The following RYR2 variants were observed in gnomAD, a reference collection of about 807,000 sequenced individuals.
The protein encoded by RYR2 is ryanodine receptor 2.
RYR2 carries 227 observed loss-of-function variants against 601.1 expected under a neutral mutation model. The observed-to-expected ratio is 0.38, with a 90% confidence interval of 0.34 to 0.42. The LOEUF is 0.42. RYR2 is among the 10% of genes least tolerant of loss of function. The pLI is 1.00. For synonymous variants in RYR2, 2,223 were observed against 2,175.1 expected (o/e 1.02, Z -0.61); for missense variants, 4,646 against 6,156.5 (o/e 0.75, Z 8.21).
chr1:237,697,354 T>TAA (rs994494483), intron 63 of RYR2, among the ~76,000 whole-genome samples: 5 of 142,714 alleles, frequency 3.5e-5, no homozygotes, highest in African/African-American at 1.3e-4. Flanking sequence ...TATATATATA[T>TAA]AATATATATT....
At chr1:237,666,686 T>A in intron 57 of RYR2, 97 bp downstream of exon 57, 1 of 941,648 alleles carries the variant, frequency 1.1e-6, no homozygotes, top group Non-Finnish European at 1.6e-6. Context: ...ATGGTTTATT[T>A]GAATGTGGCG....
chr1:237,226,054 CAA>C (rs59114136), intron 1 of RYR2, among the ~76,000 whole-genome samples: 4 of 116,524 alleles, frequency 3.4e-5, no homozygotes. Context: ...GACTCCATCT[CAA>C]AAAAAAAAAA....
intron 69 of RYR2, 85 bp from the exon 70 acceptor site, chr1:237,709,395 A>T (rs1459370008): frequency 1.1e-6 from 1 of 898,418 alleles, no homozygotes; most frequent in African/African-American, 1.7e-5. Flanking sequence ...TGGTCAGTAC[A>T]TTTAACTTTG....
intron 36 of RYR2, among the ~76,000 whole-genome samples, chr1:237,613,391 T>A (rs1222780242): frequency 6.6e-6 from 1 of 152,194 alleles, no homozygotes; most frequent in Admixed American, 6.5e-5. Flanking sequence ...AGGCACTCAG[T>A]GATATTTGAT....
chr1:237,133,375 C>A (rs1289973698), intron 1 of RYR2, among the ~76,000 whole-genome samples: 3 of 152,124 alleles, frequency 2.0e-5, no homozygotes, highest in African/African-American at 7.2e-5. Flanking sequence ...CCTAGGCCCC[C>A]TTTCTTACTT....
At chr1:237,781,503 G>C in intron 88 of RYR2, 62 bp from the exon 89 acceptor site, 1 of 812,470 alleles carries the variant, frequency 1.2e-6, no homozygotes. Flanking sequence ...GTGAGAATAA[G>C]TATGATGTTC....
intron 96 of RYR2, 77 bp from the exon 97 acceptor site, chr1:237,797,960 T>C: frequency 8.0e-7 from 1 of 1,257,248 alleles, no homozygotes; most frequent in Non-Finnish European, 1.1e-6. Flanking sequence ...TAAAAATAAT[T>C]AGATGTTTTA....
In RYR2 at chr1:237,551,691, T is replaced by A. The variant is rs1051649553; in HGVS notation, c.3214+1000T>A. 3.3e-5 allele frequency among the ~76,000 whole-genome samples: 5 copies of A among 152,340 alleles called. No individual in the cohort carries two copies. The East Asian group carries it at 9.6e-4, about 29-fold the overall frequency. On this transcript the variant is annotated intron_variant, in intron 27 of 104. Coordinates refer to ENST00000366574, the MANE Select transcript of RYR2 (RefSeq NM_001035.3). ...GGGCCTATAATTTTTGATGGAAAGT[T>A]TTAAAAATGTATTCCAAATGTATTC...
intron 1 of RYR2, among the ~76,000 whole-genome samples, chr1:237,086,573 A>T (rs537871362): frequency 6.6e-6 from 1 of 152,056 alleles, no homozygotes; most frequent in Non-Finnish European, 1.5e-5. Context: ...TGGTGTTATG[A>T]TGGGGAGGAA....
At chr1:237,683,629 G>A (rs1457868083) in intron 62 of RYR2, among the ~76,000 whole-genome samples, 1 of 152,174 alleles carries the variant, frequency 6.6e-6, no homozygotes, top group African/African-American at 2.4e-5. Context: ...AGGTTATATA[G>A]ATGGTAATGG....
rs1304051187 is a variant in RYR2, at chr1:237,614,374, C to T, written c.5246C>T (p.Pro1749Leu). 6.2e-7 allele frequency: 1 copy of T among 1,614,016 alleles called. No homozygotes were observed. Among genetic ancestry groups the T allele is most frequent in the South Asian group, 1.1e-5 (1 of 91,084 alleles). ...GATGAGAACAAAAAACACGGCCTTCCAGGGATCGGCCTCAGCACCTCCCTC... is the reference window on the plus strand; with the variant it reads ...GATGAGAACAAAAAACACGGCCTTCTAGGGATCGGCCTCAGCACCTCCCTC... ...FPDENKKHGL[P>L]GIGLSTSLRP... The change falls in exon 37 of 105, where the codon CCA becomes CTA. Residue 1749 changes from proline (P) to leucine (L), a missense_variant. Transcript: ENST00000366574. This position sits in a 1 kb window ranked among gnomAD's most constrained non-coding sequence, Gnocchi z 4.3.
chr1:237,624,564 A>T (rs1679440631), intron 39 of RYR2, among the ~76,000 whole-genome samples: 1 of 152,222 alleles, frequency 6.6e-6, no homozygotes, highest in Non-Finnish European at 1.5e-5. Context: ...AAACAGTTGT[A>T]TTTAAAGCAG....
chr1:237,325,712 A>C (rs1264915079), intron 2 of RYR2, among the ~76,000 whole-genome samples: 6 of 152,008 alleles, frequency 3.9e-5, no homozygotes, highest in Non-Finnish European at 8.8e-5. Flanking sequence ...AACAAAACAA[A>C]AAATATATTA....
intron 1 of RYR2, among the ~76,000 whole-genome samples, chr1:237,055,919 ACACCTGTGAGGACTGGAGCACTG>A (rs1221128443): frequency 1.4e-4 from 21 of 152,236 alleles, no homozygotes; most frequent in African/African-American, 5.1e-4. Flanking sequence ...CACAGGGAGC[ACACCTGTGAGGACTGGAGCACTG>A]CACCTGTGAG....
chr1:237,434,878 C>A (rs1431735152), intron 12 of RYR2, among the ~76,000 whole-genome samples: 1 of 152,068 alleles, frequency 6.6e-6, no homozygotes, highest in African/African-American at 2.4e-5. Flanking sequence ...CAGGTTCAAG[C>A]AATTCTCCCA....
Position 237,833,213 on chromosome 1 carries a change from G to GT in RYR2, c.*578dup, listed in dbSNP as rs113047070. 1,662 of 139,686 alleles carry GT rather than the reference G, an allele frequency of 0.012. 30 individuals carry two copies. Among genetic ancestry groups the GT allele is most frequent in the African/African-American group, 0.039 (1,482 of 38,160 alleles). 8.7% of individuals were successfully genotyped at this position (139,686 alleles called of 1,614,324 possible). On this transcript the variant is annotated 3_prime_UTR_variant, in exon 105 of 105. Coordinates refer to ENST00000366574, the MANE Select transcript of RYR2 (RefSeq NM_001035.3). ...TCTTTTCTTAGATTGATTTTGTGAG[G>GT]TTTTTTTTTTTTCCTTTAGTCTTTT...
intron 16 of RYR2, among the ~76,000 whole-genome samples, chr1:237,467,409 A>T (rs956381404): frequency 4.6e-5 from 7 of 152,254 alleles, no homozygotes; most frequent in Non-Finnish European, 8.8e-5. Flanking sequence ...TTCTTACAGA[A>T]TAAAATTAGT....
intron 10 of RYR2, among the ~76,000 whole-genome samples, chr1:237,400,454 G>A (rs1703251339): frequency 6.6e-6 from 1 of 152,096 alleles, no homozygotes; most frequent in Non-Finnish European, 1.5e-5. Flanking sequence ...CCTCAGACTG[G>A]AAGGGGGCAT....
chr1:237,626,539 A>G (rs1208729152), intron 40 of RYR2, among the ~76,000 whole-genome samples: 1 of 149,190 alleles, frequency 6.7e-6, no homozygotes, highest in East Asian at 2.0e-4. Flanking sequence ...CTTTAAAATC[A>G]GAGTTCAGTG....
Sources: allele counts gnomAD v4.1 joint callset (sites outside exome capture counted in the v4.1 genomes callset), GRCh38; gene constraint gnomAD v4.1.1; non-coding constraint Gnocchi (gnomAD v3.1); transcripts MANE v1.5; gene names NCBI Gene and HGNC (gene_info 2026-07-23, HGNC 2026-07-21).